TIGIT: variants seen among roughly 807,000 people sequenced by gnomAD.
The protein encoded by TIGIT is T cell immunoreceptor with Ig and ITIM domains.
In TIGIT, 11 loss-of-function variants were observed where a neutral mutation model predicts 19.6. That is an observed-to-expected ratio of 0.56 (90% CI 0.35 to 0.93). TIGIT has a LOEUF of 0.93. Ranked by LOEUF, TIGIT falls within the 40% of genes least tolerant of loss-of-function variation. TIGIT has a pLI of 0.01. For synonymous variants in TIGIT, 130 were observed against 125.5 expected, an observed-to-expected ratio of 1.04 and a Z score of -0.24; for missense variants, 295 against 303.9, an observed-to-expected ratio of 0.97 and a Z score of 0.22.
chr3:114,308,214 G>C lies in TIGIT; in HGVS notation c.*83G>C. The C allele has an allele frequency of 9.5e-7, 1 of 1,057,310 alleles. No homozygotes were observed. 65.5% of individuals were successfully genotyped at this position (1,057,310 alleles called of 1,614,324 possible). ...ATAAGCAGCTGTACTCTCCATCAGT[G>C]CTGCGTGTGTGTGTGTGTGTGTATG... On this transcript the variant is annotated 3_prime_UTR_variant, in exon 4 of 4. Transcript: ENST00000383671.
At chr3:114,300,614 T>A (rs1022892442) in intron 3 of TIGIT, among the ~76,000 whole-genome samples, 6 of 152,176 alleles carry the variant, frequency 3.9e-5, no homozygotes, top group African/African-American at 1.4e-4. Flanking sequence ...TGTAACAGAA[T>A]ACAATTATTG....
At chr3:114,298,680 G>A (rs2078470512) in intron 2 of TIGIT, among the ~76,000 whole-genome samples, 1 of 152,176 alleles carries the variant, frequency 6.6e-6, no homozygotes, top group Non-Finnish European at 1.5e-5. Context: ...ACATGTTCTG[G>A]GGAATTTGAA....
At chr3:114,305,741 G>A (rs1391883369) in intron 3 of TIGIT, among the ~76,000 whole-genome samples, 1 of 151,958 alleles carries the variant, frequency 6.6e-6, no homozygotes, top group Non-Finnish European at 1.5e-5. Flanking sequence ...CTGTACATTA[G>A]TTATGGGTCT....
At chr3:114,303,913 T>C (rs908677855) in intron 3 of TIGIT, among the ~76,000 whole-genome samples, 1 of 152,020 alleles carries the variant, frequency 6.6e-6, no homozygotes, top group African/African-American at 2.4e-5. Context: ...ACCACATCCA[T>C]GCCAACATGG....
intron 1 of TIGIT, 150 bp from the exon 2 acceptor site, chr3:114,295,395 T>G: frequency 3.0e-6 from 2 of 677,284 alleles, no homozygotes. Context: ...AGGAAATAAT[T>G]ACAGCCTCTA....
chr3:114,307,797 G>A (rs1043536719), intron 3 of TIGIT, 98 bp from the exon 4 acceptor site: 2 of 1,080,618 alleles, frequency 1.9e-6, no homozygotes. Flanking sequence ...GTTTGCTGGT[G>A]TGCATGTGTG....
rs2683788 is a variant in TIGIT, at chr3:114,297,861, C to G, written c.392-1736C>G. Among the ~76,000 whole-genome samples, 619 of 152,334 alleles carry G rather than the reference C, an allele frequency of 4.1e-3. 6 individuals are homozygous for G. The highest frequency in any genetic ancestry group is 0.014 in the African/African-American group (579 of 41,576). ...TCCCCACAAAGCCTGTATGTTTCCA[C>G]CCTTTTGCCATTGCAGACTCCAGGG... On this transcript the variant is annotated intron_variant, in intron 2 of 3. Transcript: ENST00000383671.
Position 114,297,075 on chromosome 3 carries a change from T to C in TIGIT, c.391+1201T>C, listed in dbSNP as rs550270200. On this transcript the variant is annotated intron_variant, in intron 2 of 3. Coordinates refer to ENST00000383671, the MANE Select transcript of TIGIT (RefSeq NM_173799.4). ...CCATGCCCGGCTAATTTTGTATTTT[T>C]AGTAGAGACAGGGTTTCTTCACGTT... 9.9e-5 allele frequency among the ~76,000 whole-genome samples: 15 copies of C among 152,132 alleles called. No individual in the cohort carries two copies. In the South Asian group the frequency reaches 2.7e-3, roughly 27 times the overall value.
chr3:114,307,973 G>A lies in TIGIT; in HGVS notation c.577G>A (p.Ala193Thr). The change falls in exon 4 of 4, where the codon GCT becomes ACT. Residue 193 changes from alanine (A) to threonine (T), a missense_variant. Coordinates refer to ENST00000383671, the MANE Select transcript of TIGIT (RefSeq NM_173799.4). ...TGGACAGGAGGAATGGAGCCCCAGT[G>A]CTCCCTCACCCCCAGGAAGCTGTGT... is the stretch of plus-strand genomic sequence containing the variant. ...SAGQEEWSPS[A>T]PSPPGSCVQA... 2.5e-6 allele frequency: 4 copies of A among 1,614,118 alleles called. No individual in the cohort carries two copies. Among genetic ancestry groups the A allele is most frequent in the Non-Finnish European group, 3.4e-6 (4 of 1,180,028 alleles).
chr3:114,303,623 A>G (rs1349638690), intron 3 of TIGIT, among the ~76,000 whole-genome samples: 1 of 66,712 alleles, frequency 1.5e-5, no homozygotes. Context: ...ATATATATGT[A>G]TATATATACA....
Position 114,309,869 on chromosome 3 carries a change from A to AT in TIGIT, c.*1739dup, listed in dbSNP as rs1453463778. The AT allele has an allele frequency of 6.6e-6, 1 of 152,190 alleles. No individual in the cohort carries two copies. Among genetic ancestry groups the AT allele is most frequent in the Non-Finnish European group, 1.5e-5 (1 of 68,034 alleles). The allele number at this position is 152,190 out of a possible 1,614,324, so 9.4% of individuals were successfully genotyped here. On this transcript the variant is annotated 3_prime_UTR_variant, in exon 4 of 4. Coordinates refer to ENST00000383671, the MANE Select transcript of TIGIT (RefSeq NM_173799.4). ...GAGTTGGGTGTTATTTAACATAATT[A>AT]TGGTAATTGGGAAACATTTATAAAC...
At chr3:114,295,966 C>T (rs1162164660) in intron 2 of TIGIT, 92 bp downstream of exon 2, 32 of 1,059,404 alleles carry the variant, frequency 3.0e-5, no homozygotes, top group Non-Finnish European at 3.7e-5. Flanking sequence ...CTTCTCAATT[C>T]GGGATCACAT....
rs1000710683 is a variant in TIGIT, at chr3:114,309,726, G to A, written c.*1595G>A. 2.0e-5 allele frequency: 3 copies of A among 152,134 alleles called. No homozygotes were observed. The highest frequency in any genetic ancestry group is 2.9e-5 in the Non-Finnish European group (2 of 68,020). 9.4% of individuals were successfully genotyped at this position (152,134 alleles called of 1,614,324 possible). A position where few individuals can be genotyped will look rare whatever the true frequency, so the allele number is the denominator to read the frequency against. ...ACAGCATTTTTCTTGCAAAATTAGTGCAAATCTGTTGGAAATAGAACACAA... is the reference window on the plus strand; with the variant it reads ...ACAGCATTTTTCTTGCAAAATTAGTACAAATCTGTTGGAAATAGAACACAA... On this transcript the variant is annotated 3_prime_UTR_variant, in exon 4 of 4. Coordinates refer to ENST00000383671, the MANE Select transcript of TIGIT (RefSeq NM_173799.4).
intron 3 of TIGIT, among the ~76,000 whole-genome samples, chr3:114,306,639 T>G (rs1264039922): frequency 6.6e-6 from 1 of 151,724 alleles, no homozygotes; most frequent in Non-Finnish European, 1.5e-5. Context: ...AAATAATAAT[T>G]AATGTAAGGC....
rs2107958424 is a variant in TIGIT, at chr3:114,309,852, T to C, written c.*1721T>C. ...GGCAGAGGTTGGACTGAGAGTTGGG[T>C]GTTATTTAACATAATTATGGTAATT... is the stretch of plus-strand genomic sequence containing the variant. On this transcript the variant is annotated 3_prime_UTR_variant, in exon 4 of 4. Transcript: ENST00000383671. The C allele has an allele frequency of 6.6e-6, 1 of 152,298 alleles. No homozygotes were observed. Among genetic ancestry groups the C allele is most frequent in the African/African-American group, 2.4e-5 (1 of 41,556 alleles). 9.4% of individuals were successfully genotyped at this position (152,298 alleles called of 1,614,324 possible). A position where few individuals can be genotyped will look rare whatever the true frequency, so the allele number is the denominator to read the frequency against.
rs1441745465 is a variant in TIGIT, at chr3:114,308,008, A to C, written c.612A>C (p.Glu204Asp). ...CCCCAGGAAGCTGTGTCCAGGCAGA[A>C]GCTGCACCTGCTGGGCTCTGTGGAG... is the stretch of plus-strand genomic sequence containing the variant. ...PSPPGSCVQAEAAPAGLCGEQ... is the reference protein window; with the variant it reads ...PSPPGSCVQADAAPAGLCGEQ... The change falls in exon 4 of 4, where the codon GAA (glutamate) becomes GAC (aspartate). Residue 204 changes from glutamate to aspartate, a missense_variant. By Grantham distance (45) the Glu-to-Asp change is conservative (BLOSUM62 2). Transcript: ENST00000383671. The C allele has an allele frequency of 6.2e-7, 1 of 1,614,164 alleles. No individual in the cohort carries two copies. Among genetic ancestry groups the C allele is most frequent in the East Asian group, 2.2e-5 (1 of 44,884 alleles).
At chr3:114,303,544 T>C (rs1259317993) in intron 3 of TIGIT, among the ~76,000 whole-genome samples, 3 of 8,360 alleles carry the variant, frequency 3.6e-4, no homozygotes, top group African/African-American at 5.4e-4. Flanking sequence ...TATATACACA[T>C]ATATATGTAT....
At chr3:114,301,917 G>A (rs899687733) in intron 3 of TIGIT, among the ~76,000 whole-genome samples, 1 of 152,190 alleles carries the variant, frequency 6.6e-6, no homozygotes, top group Non-Finnish European at 1.5e-5. Flanking sequence ...TACTCAAACT[G>A]GGTTGTTTGA....
At chr3:114,302,941 A>G (rs1444666503) in intron 3 of TIGIT, among the ~76,000 whole-genome samples, 1 of 152,198 alleles carries the variant, frequency 6.6e-6, no homozygotes, top group Non-Finnish European at 1.5e-5. Flanking sequence ...TTGGGTTTGT[A>G]GGTCATATGG....
Sources: allele counts gnomAD v4.1 joint callset (sites outside exome capture counted in the v4.1 genomes callset), GRCh38; gene constraint gnomAD v4.1.1; transcripts MANE v1.5; gene names NCBI Gene and HGNC (gene_info 2026-07-23, HGNC 2026-07-21).